The following ERBB4 variants were observed in gnomAD, a reference collection of about 807,000 sequenced individuals.
ERBB4 encodes receptor tyrosine-protein kinase erbB-4.
ERBB4 carries 42 observed loss-of-function variants against 158.0 expected under a neutral mutation model. That is an observed-to-expected ratio of 0.27 (90% CI 0.21 to 0.34). The LOEUF is 0.34. Among genes scored for constraint, ERBB4 ranks in the 10% least tolerant of loss-of-function variants. The pLI is 1.00. For synonymous variants in ERBB4, 583 were observed against 558.7 expected, an observed-to-expected ratio of 1.04 and a Z score of -0.61; for missense variants, 1,333 against 1,624.1, an observed-to-expected ratio of 0.82 and a Z score of 3.08.
intron 1 of ERBB4, 151 bp from the exon 2 acceptor site, chr2:212,125,054 G>A (rs1222855574): frequency 1.3e-5 from 11 of 820,914 alleles, no homozygotes; most frequent in African/African-American, 3.4e-5. Flanking sequence ...ATAGACCCAC[G>A]CACTGATGAA....
At chr2:212,433,220 C>T (rs188275748) in intron 1 of ERBB4, among the ~76,000 whole-genome samples, 1 of 151,956 alleles carries the variant, frequency 6.6e-6, no homozygotes, top group Non-Finnish European at 1.5e-5. Flanking sequence ...TTTCTAAAAA[C>T]TTCCACTAAC....
chr2:211,675,684 A>AT (rs2072033343), intron 13 of ERBB4, among the ~76,000 whole-genome samples: 1 of 149,794 alleles, frequency 6.7e-6, no homozygotes, highest in Non-Finnish European at 1.5e-5. Context: ...TAATTGACTG[A>AT]TTTTCATTTT....
intron 2 of ERBB4, among the ~76,000 whole-genome samples, chr2:212,013,779 C>T (rs1209814857): frequency 6.6e-6 from 1 of 152,184 alleles, no homozygotes; most frequent in Non-Finnish European, 1.5e-5. Flanking sequence ...GCATCAGCCT[C>T]CTGAATATCT....
intron 3 of ERBB4, among the ~76,000 whole-genome samples, chr2:211,862,206 A>T (rs552398422): frequency 1.3e-5 from 2 of 152,298 alleles, no homozygotes; most frequent in Admixed American, 6.5e-5. Flanking sequence ...CTAGAACTCA[A>T]ATTTTCCATT....
chr2:212,143,992 C>T (rs2125611741), intron 1 of ERBB4, among the ~76,000 whole-genome samples: 1 of 150,766 alleles, frequency 6.6e-6, no homozygotes, highest in Middle Eastern at 3.4e-3. Context: ...GCATTCCGGC[C>T]TGGGCGACAG....
intron 20 of ERBB4, among the ~76,000 whole-genome samples, chr2:211,472,164 T>A (rs62178793): frequency 0.033 from 5,018 of 152,036 alleles, 120 homozygotes; most frequent in Non-Finnish European, 0.048. Flanking sequence ...TGTTGCAGCA[T>A]TACAGGCAAG....
chr2:212,223,425 ATATTT>A (rs1472792546), intron 1 of ERBB4, among the ~76,000 whole-genome samples: 69 of 76,476 alleles, frequency 9.0e-4, no homozygotes, highest in Middle Eastern at 7.4e-3. Context: ...ATATATATAT[ATATTT>A]TTTTTATTTA....
At chr2:211,563,669 T>C (rs1417206853) in intron 19 of ERBB4, among the ~76,000 whole-genome samples, 1 of 152,206 alleles carries the variant, frequency 6.6e-6, no homozygotes, top group African/African-American at 2.4e-5. Context: ...ATTGCAGCTA[T>C]GTAAAGTAGT....
At chr2:211,446,537 C>G (rs554225997) in intron 20 of ERBB4, among the ~76,000 whole-genome samples, 1 of 152,118 alleles carries the variant, frequency 6.6e-6, no homozygotes, top group South Asian at 2.1e-4. Flanking sequence ...TGGATTTGGA[C>G]ATTAGTATGA....
At position 212,233,135 on chromosome 2, in the gene ERBB4, A is replaced by G. The variant is rs184649961; in HGVS notation, c.83-108232T>C. Among the ~76,000 whole-genome samples the G allele has an allele frequency of 3.3e-5, 5 of 152,200 alleles. No individual in the cohort carries two copies. In the East Asian group the frequency reaches 9.7e-4, roughly 29 times the overall value. On this transcript the variant is annotated intron_variant, in intron 1 of 27. Transcript: ENST00000342788. ...CCTTTTTTAAATCACTATTTTTGAG[A>G]TCCACTTTTAAGAATAATATTAATA...
chr2:212,024,709 T>C (rs1002123987), intron 2 of ERBB4, among the ~76,000 whole-genome samples: 1 of 151,912 alleles, frequency 6.6e-6, no homozygotes, highest in Admixed American at 6.6e-5. Context: ...TGTGGATAAA[T>C]CATGTGACAT....
At chr2:211,581,804 G>A (rs1222822083) in intron 19 of ERBB4, among the ~76,000 whole-genome samples, 1 of 152,140 alleles carries the variant, frequency 6.6e-6, no homozygotes, top group East Asian at 1.9e-4. Flanking sequence ...GAGGTCAAGA[G>A]ATTGAGACCA....
chr2:211,744,999 T>C (rs1467949347), intron 5 of ERBB4, among the ~76,000 whole-genome samples: 1 of 152,252 alleles, frequency 6.6e-6, no homozygotes, highest in Non-Finnish European at 1.5e-5. Flanking sequence ...GACTCTAAAA[T>C]GTACTTTTAT....
rs1211071018 is a variant in ERBB4 at position 211,712,075 on chromosome 2, T to C, written c.1099A>G (p.Ile367Val). ...CCATGAATACCAGTGACTAGAAAGA[T>C]CAAATTCCCATTGATCTTGGTACAG... ...INCTKINGNLIFLVTGIHGDP... is the reference protein window; with the variant it reads ...INCTKINGNLVFLVTGIHGDP... Residue 367 changes from isoleucine (I) to valine (V), a missense_variant, in exon 9 of 28, where the codon ATC becomes GTC. Ile to Val is a conservative substitution (Grantham distance 29). Around this residue, in one of 5 missense-constraint regions of ERBB4, gnomAD observed 438 missense variants for 586.9 expected, o/e 0.75. Transcript: ENST00000342788. The C allele has an allele frequency of 1.9e-6, 3 of 1,612,670 alleles. No individual in the cohort carries two copies. The highest frequency in any genetic ancestry group is 8.5e-7 in the Non-Finnish European group (1 of 1,178,758).
chr2:211,889,744 A>G (rs2078913600), intron 3 of ERBB4, among the ~76,000 whole-genome samples: 1 of 151,220 alleles, frequency 6.6e-6, no homozygotes, highest in Non-Finnish European at 1.5e-5. Context: ...AAGGCTCGAG[A>G]ACTACGTGAA....
Position 211,478,371 on chromosome 2 carries a change from A to T in ERBB4, c.2488-47271T>A, listed in dbSNP as rs544649276. 1.1e-3 allele frequency among the ~76,000 whole-genome samples: 161 copies of T among 152,180 alleles called. 1 individual carries two copies. Among genetic ancestry groups the T allele is most frequent in the Non-Finnish European group, 2.0e-3 (138 of 68,024 alleles). ...TTTAATGTCTCTATATTCAAAGACA[A>T]ATCTGCGTTTCCAGATATATGTTGC... On this transcript the variant is annotated intron_variant, in intron 20 of 27. Transcript: ENST00000342788.
intron 1 of ERBB4, among the ~76,000 whole-genome samples, chr2:212,388,192 T>C (rs537508859): frequency 6.6e-6 from 1 of 152,190 alleles, no homozygotes; most frequent in Non-Finnish European, 1.5e-5. Flanking sequence ...ATACAGAGAA[T>C]TTATTAAAAT....
intron 16 of ERBB4, among the ~76,000 whole-genome samples, chr2:211,656,834 G>A (rs1386784153): frequency 6.6e-6 from 1 of 152,118 alleles, no homozygotes; most frequent in Non-Finnish European, 1.5e-5. Flanking sequence ...TTGCTCAGTA[G>A]TGTTACAATA....
chr2:211,455,660 G>C (rs2064363243), intron 20 of ERBB4, among the ~76,000 whole-genome samples: 1 of 152,102 alleles, frequency 6.6e-6, no homozygotes, highest in Non-Finnish European at 1.5e-5. Context: ...TGTTCTATGT[G>C]ATTGCTTACT....
Sources: allele counts gnomAD v4.1 joint callset (sites outside exome capture counted in the v4.1 genomes callset), GRCh38; gene constraint gnomAD v4.1.1; regional missense constraint gnomAD v4.1.1; transcripts MANE v1.5; gene names NCBI Gene and HGNC (gene_info 2026-07-23, HGNC 2026-07-21).